ARID5B: variants seen among roughly 807,000 people sequenced by gnomAD.
The protein encoded by ARID5B is AT-rich interactive domain-containing protein 5B.
In ARID5B, 13 loss-of-function variants were observed where a neutral mutation model predicts 97.2. The ratio of observed to expected loss-of-function variants is 0.13; its 90% CI spans 0.09 to 0.21. The LOEUF (loss-of-function observed/expected upper bound fraction) is 0.21. ARID5B is among the 10% of genes least tolerant of loss of function. The probability of loss-of-function intolerance (pLI) is 1.00; values close to 1 mark genes in which losing one functional copy is unlikely to be tolerated. For synonymous variants in ARID5B, 556 were observed against 570.3 expected (o/e 0.97, Z 0.36); for missense variants, 1,210 against 1,465.3 (o/e 0.83, Z 2.84).
At chr10:61,969,783 T>C (rs991277452) in intron 3 of ARID5B, among the ~76,000 whole-genome samples, 1 of 152,250 alleles carries the variant, frequency 6.6e-6, no homozygotes, top group African/African-American at 2.4e-5. Flanking sequence ...TCACTCAGTC[T>C]ACTAGGTGCT....
In ARID5B at chr10:61,988,936, C is replaced by CA. The variant is rs745550231; in HGVS notation, c.503-11155_503-11154insA. ...ACTAGTAATCTTTTTTTTTCTTTTA[C>CA]TTTTTTTTTTTTTTTTTGAGTCTTG... On this transcript the variant is annotated intron_variant, in intron 3 of 9. Transcript: ENST00000279873. Among the ~76,000 whole-genome samples the CA allele has an allele frequency of 9.6e-3, 1,178 of 122,248 alleles. 19 individuals are homozygous for CA. The highest frequency in any genetic ancestry group is 0.035 in the African/African-American group (1,123 of 32,308). The allele number at this position is 122,248 out of a possible 152,430, so 80.2% of individuals were successfully genotyped here.
intron 4 of ARID5B, chr10:62,049,478 G>C: frequency 6.4e-7 from 1 of 1,550,530 alleles, no homozygotes; most frequent in Non-Finnish European, 8.7e-7. Flanking sequence ...TTGTCGACTG[G>C]AATGGGTAAT....
chr10:62,031,020 G>A (rs960073029), intron 4 of ARID5B, among the ~76,000 whole-genome samples: 7 of 152,096 alleles, frequency 4.6e-5, no homozygotes, highest in African/African-American at 1.7e-4. Context: ...TGGATCACGA[G>A]GTCAGGAGAT....
intron 3 of ARID5B, among the ~76,000 whole-genome samples, chr10:61,943,760 T>C (rs1337295900): frequency 6.6e-6 from 1 of 151,148 alleles, no homozygotes; most frequent in Non-Finnish European, 1.5e-5. Context: ...AAAACAAGAA[T>C]GTTCTCACAA....
chr10:61,907,879 A>G (rs562341782), intron 2 of ARID5B, among the ~76,000 whole-genome samples: 15 of 152,394 alleles, frequency 9.8e-5, no homozygotes, highest in Non-Finnish European at 1.8e-4. Context: ...CAAAGTAGAA[A>G]TATTTATTAT....
rs1839065675 is a variant in ARID5B, at chr10:62,000,658, C to G, written c.733+337C>G. ...TCTATTCAAATGCTTTTTTATTTAACTAGTCACTCTCTTTTCATTGTTATA... is the reference window on the plus strand; with the variant it reads ...TCTATTCAAATGCTTTTTTATTTAAGTAGTCACTCTCTTTTCATTGTTATA... On this transcript the variant is annotated intron_variant, in intron 4 of 9. Transcript: ENST00000279873. The surrounding 1 kb of genome is among the most constrained non-coding windows in gnomAD (Gnocchi z 4.4). Among the ~76,000 whole-genome samples, 1 of 152,230 alleles carries G rather than the reference C, an allele frequency of 6.6e-6. No individual in the cohort carries two copies. Among genetic ancestry groups the G allele is most frequent in the South Asian group, 2.1e-4 (1 of 4,826 alleles).
At chr10:62,032,967 G>A (rs1247355706) in intron 4 of ARID5B, among the ~76,000 whole-genome samples, 1 of 152,174 alleles carries the variant, frequency 6.6e-6, no homozygotes, top group Non-Finnish European at 1.5e-5. Flanking sequence ...AAACGCGAGA[G>A]CAAAAGCCTT....
At chr10:62,039,405 A>T (rs1326457228) in intron 4 of ARID5B, among the ~76,000 whole-genome samples, 1 of 152,230 alleles carries the variant, frequency 6.6e-6, no homozygotes, top group African/African-American at 2.4e-5. Context: ...CCTTCTAAGA[A>T]AAGAAAATAT....
chr10:62,011,070 T>G (rs1169429769), intron 4 of ARID5B, among the ~76,000 whole-genome samples: 1 of 152,246 alleles, frequency 6.6e-6, no homozygotes, highest in Non-Finnish European at 1.5e-5. Flanking sequence ...GGATCCTTTA[T>G]GGATCACTGG....
chr10:62,038,339 G>T (rs1339021589), intron 4 of ARID5B, among the ~76,000 whole-genome samples: 1 of 150,478 alleles, frequency 6.6e-6, no homozygotes, highest in African/African-American at 2.4e-5. Flanking sequence ...CCCACATGTT[G>T]CCTATTGTCA....
intron 4 of ARID5B, among the ~76,000 whole-genome samples, chr10:62,022,323 C>A (rs1230408925): frequency 6.6e-6 from 1 of 152,210 alleles, no homozygotes; most frequent in East Asian, 1.9e-4. Flanking sequence ...TTGTGTCTCA[C>A]AGCTGCCCTC....
At chr10:61,988,075 A>G (rs1441069729) in intron 3 of ARID5B, among the ~76,000 whole-genome samples, 1 of 152,226 alleles carries the variant, frequency 6.6e-6, no homozygotes, top group African/African-American at 2.4e-5. Flanking sequence ...ACAAAAAGGA[A>G]GTAAAACAGA....
intron 3 of ARID5B, among the ~76,000 whole-genome samples, chr10:61,955,351 G>A (rs964621408): frequency 6.6e-6 from 1 of 152,278 alleles, no homozygotes; most frequent in Middle Eastern, 3.4e-3. Context: ...ATAACATGCA[G>A]TAACATGCAT....
At chr10:61,984,606 A>G (rs954160660) in intron 3 of ARID5B, among the ~76,000 whole-genome samples, 2 of 152,224 alleles carry the variant, frequency 1.3e-5, no homozygotes, top group Non-Finnish European at 2.9e-5. Context: ...ATGAAGGCTA[A>G]GGTTTAGGTA....
chr10:62,051,418 A>G (rs1013975254), intron 5 of ARID5B, among the ~76,000 whole-genome samples: 2 of 152,350 alleles, frequency 1.3e-5, no homozygotes, highest in South Asian at 2.1e-4. Flanking sequence ...AGAGGATGAA[A>G]TTAGAAATAG....
chr10:61,902,441 T>C (rs1302429098), intron 2 of ARID5B, 28 bp downstream of exon 2: 3 of 1,606,746 alleles, frequency 1.9e-6, no homozygotes, highest in Admixed American at 3.4e-5. Context: ...CCCCCTCTTC[T>C]TTCTTTATTA....
intron 3 of ARID5B, among the ~76,000 whole-genome samples, chr10:61,984,964 A>T (rs773881751): frequency 5.9e-5 from 9 of 152,068 alleles, no homozygotes; most frequent in Non-Finnish European, 1.2e-4. Context: ...TTTTGGCATC[A>T]GTTTGCCCAT....
chr10:62,067,147 G>A (rs541709120), intron 7 of ARID5B, among the ~76,000 whole-genome samples: 3 of 151,780 alleles, frequency 2.0e-5, no homozygotes, highest in Non-Finnish European at 2.9e-5. Flanking sequence ...GTGCAATGGC[G>A]CGATCTCAGC....
At chr10:61,976,119 A>G (rs1011101012) in intron 3 of ARID5B, among the ~76,000 whole-genome samples, 3 of 152,210 alleles carry the variant, frequency 2.0e-5, no homozygotes, top group African/African-American at 7.2e-5. Context: ...TACTTTGCCA[A>G]TAGAATGCTC....
Sources: allele counts gnomAD v4.1 joint callset (sites outside exome capture counted in the v4.1 genomes callset), GRCh38; gene constraint gnomAD v4.1.1; non-coding constraint Gnocchi (gnomAD v3.1); transcripts MANE v1.5; gene names NCBI Gene and HGNC (gene_info 2026-07-23, HGNC 2026-07-21).